Variants in TMEM132B observed in about 807,000 individuals in gnomAD.
The protein encoded by TMEM132B is transmembrane protein 132B.
In TMEM132B, 18 loss-of-function variants were observed where a neutral mutation model predicts 90.8. That is an observed-to-expected ratio of 0.20 (90% CI 0.14 to 0.29). TMEM132B has a LOEUF of 0.29. Ranked by LOEUF, TMEM132B falls within the 10% of genes least tolerant of loss-of-function variation. TMEM132B has a pLI of 1.00. For synonymous variants in TMEM132B, 504 were observed against 523.3 expected (o/e 0.96, Z 0.50); for missense variants, 1,096 against 1,326.8 (o/e 0.83, Z 2.70).
At chr12:125,543,316 AT>A (rs1309616810) in intron 4 of TMEM132B, among the ~76,000 whole-genome samples, 1 of 152,252 alleles carries the variant, frequency 6.6e-6, no homozygotes. Context: ...ACAATAAAAA[AT>A]AATACAACCA....
chr12:125,373,133 G>T (rs965798504), intron 2 of TMEM132B, among the ~76,000 whole-genome samples: 1 of 152,198 alleles, frequency 6.6e-6, no homozygotes, highest in Non-Finnish European at 1.5e-5. Context: ...CACATTACAA[G>T]GTCAGCTCCA....
Position 125,415,634 on chromosome 12 carries a change from G to T in TMEM132B, c.1063G>T (p.Ala355Ser). 1 of 1,614,170 alleles carries T rather than the reference G, an allele frequency of 6.2e-7. No homozygotes were observed. Among genetic ancestry groups the T allele is most frequent in the Non-Finnish European group, 8.5e-7 (1 of 1,180,044 alleles). The change falls in exon 3 of 9, where the codon GCC becomes TCC. Residue 355 changes from alanine (A) to serine (S), a missense_variant. Transcript: ENST00000682704. The surrounding 1 kb of genome is among the most constrained non-coding windows in gnomAD (Gnocchi z 5.3). ...EIDNGSTQTSATLTCMGHRPD... is the reference protein window; with the variant it reads ...EIDNGSTQTSSTLTCMGHRPD... Reference sequence around the variant, plus strand: ...TGATAATGGCAGCACTCAGACGTCGGCCACCCTCACCTGCATGGGCCATCG... The same window carrying T: ...TGATAATGGCAGCACTCAGACGTCGTCCACCCTCACCTGCATGGGCCATCG...
intron 1 of TMEM132B, among the ~76,000 whole-genome samples, chr12:125,240,393 T>G (rs1222190428): frequency 6.6e-6 from 1 of 152,142 alleles, no homozygotes; most frequent in East Asian, 1.9e-4. Context: ...GACAGGGCTG[T>G]TATTAGAGCT....
chr12:125,276,920 T>C (rs748902557), intron 1 of TMEM132B, among the ~76,000 whole-genome samples: 1 of 152,216 alleles, frequency 6.6e-6, no homozygotes, highest in Non-Finnish European at 1.5e-5. Context: ...AATTTGGGCA[T>C]AACTTTGGAT....
chr12:125,633,009 C>T (rs1353971344), intron 5 of TMEM132B, among the ~76,000 whole-genome samples: 7 of 152,048 alleles, frequency 4.6e-5, no homozygotes, highest in South Asian at 2.1e-4. Context: ...ACCTCCTCTT[C>T]GAAGCCAATA....
At chr12:125,443,584 A>G (rs1334660945) in intron 3 of TMEM132B, among the ~76,000 whole-genome samples, 2 of 152,292 alleles carry the variant, frequency 1.3e-5, no homozygotes, top group Non-Finnish European at 1.5e-5. Flanking sequence ...CTGGGTAACA[A>G]TCACTGCTGT....
intron 3 of TMEM132B, among the ~76,000 whole-genome samples, chr12:125,501,327 T>G (rs1882690448): frequency 6.6e-6 from 1 of 152,276 alleles, no homozygotes; most frequent in South Asian, 2.1e-4. Context: ...TTAAAAATTA[T>G]GTCGTTTACT....
chr12:125,316,112 G>T (rs1348239828), intron 1 of TMEM132B, among the ~76,000 whole-genome samples: 2 of 152,230 alleles, frequency 1.3e-5, no homozygotes, highest in Non-Finnish European at 2.9e-5. Context: ...CTCAAAGGAA[G>T]AGGGCTCATT....
chr12:125,495,360 T>A (rs1375025239), intron 3 of TMEM132B, among the ~76,000 whole-genome samples: 3 of 137,606 alleles, frequency 2.2e-5, no homozygotes, highest in Non-Finnish European at 3.1e-5. Flanking sequence ...CCCTCTTCCC[T>A]GGAAATGGCC....
At chr12:125,441,076 C>T (rs888925915) in intron 3 of TMEM132B, among the ~76,000 whole-genome samples, 1 of 152,166 alleles carries the variant, frequency 6.6e-6, no homozygotes, top group Admixed American at 6.5e-5. Context: ...TATTTAAAAT[C>T]CTTTGGCCTT....
intron 3 of TMEM132B, among the ~76,000 whole-genome samples, chr12:125,434,518 T>A (rs1195454024): frequency 7.1e-4 from 1 of 1,412 alleles, no homozygotes; most frequent in African/African-American, 2.5e-3. Context: ...GATTAGAGGG[T>A]GGGAGGGTGG....
At chr12:125,522,221 T>G (rs1401040496) in intron 4 of TMEM132B, among the ~76,000 whole-genome samples, 2 of 152,192 alleles carry the variant, frequency 1.3e-5, no homozygotes, top group Non-Finnish European at 2.9e-5. Context: ...GTCCTTGTCT[T>G]GTGCAGATCC....
rs187878415 is a variant in TMEM132B at position 125,299,812 on chromosome 12, C to T, written c.68-49640C>T. On this transcript the variant is annotated intron_variant, in intron 1 of 8. Coordinates refer to ENST00000682704, the MANE Select transcript of TMEM132B (RefSeq NM_001366854.1). ...ACCCTGGTCTAAGTGACCCCTCCCA[C>T]CCTGGTTCACTCTCCTGGACCGGCC... Among the ~76,000 whole-genome samples, 15 of 152,356 alleles carry T rather than the reference C, an allele frequency of 9.8e-5. No homozygotes were observed. In the East Asian group the frequency reaches 2.9e-3, roughly 29 times the overall value.
At chr12:125,538,025 C>T (rs564722112) in intron 4 of TMEM132B, among the ~76,000 whole-genome samples, 32 of 152,306 alleles carry the variant, frequency 2.1e-4, no homozygotes, top group Admixed American at 1.0e-3. Flanking sequence ...CATGCACGCT[C>T]GGCTCCTATT....
intron 3 of TMEM132B, among the ~76,000 whole-genome samples, chr12:125,495,492 TTTG>T (rs1029895030): frequency 6.6e-6 from 1 of 152,234 alleles, no homozygotes; most frequent in African/African-American, 2.4e-5. Context: ...ATAGCAGCTT[TTTG>T]TTGTTGCTCA....
At chr12:125,633,469 G>T (rs1886412438) in intron 5 of TMEM132B, among the ~76,000 whole-genome samples, 1 of 152,180 alleles carries the variant, frequency 6.6e-6, no homozygotes, top group African/African-American at 2.4e-5. Flanking sequence ...TTCATGGATT[G>T]CCTTGATACT....
rs529500132 is a variant in TMEM132B, at chr12:125,656,753, C to T, written c.*2043C>T. Reference sequence around the variant, plus strand: ...TAGCTCAGAGCCAACCATCCAGGACCGAAGAAAGCTCATGTGCTGATTGAC... The same window carrying T: ...TAGCTCAGAGCCAACCATCCAGGACTGAAGAAAGCTCATGTGCTGATTGAC... On this transcript the variant is annotated 3_prime_UTR_variant, in exon 9 of 9. Coordinates refer to ENST00000682704, the MANE Select transcript of TMEM132B (RefSeq NM_001366854.1). 16 of 149,356 alleles carry T rather than the reference C, an allele frequency of 1.1e-4. No homozygotes were observed. The East Asian group carries it at 2.5e-3, about 24-fold the overall frequency. 9.3% of individuals were successfully genotyped at this position (149,356 alleles called of 1,614,324 possible). A position where few individuals can be genotyped will look rare whatever the true frequency, so the allele number is the denominator to read the frequency against.
Position 125,490,756 on chromosome 12 carries a change from G to A in TMEM132B, c.1107-28683G>A, listed in dbSNP as rs980487741. Among the ~76,000 whole-genome samples the A allele has an allele frequency of 3.9e-5, 6 of 152,272 alleles. No individual in the cohort carries two copies. The highest frequency in any genetic ancestry group is 2.1e-4 in the South Asian group (1 of 4,826). On this transcript the variant is annotated intron_variant, in intron 3 of 8. Coordinates refer to ENST00000682704, the MANE Select transcript of TMEM132B (RefSeq NM_001366854.1). The surrounding 1 kb of genome is among the most constrained non-coding windows in gnomAD (Gnocchi z 4.2). ...GCTGGGATTACAGGTGTGAGCCACC[G>A]CGCCCGGCCAATTTCTTTCCTTTTG...
At chr12:125,189,472 C>T (rs1251908470) in intron 1 of TMEM132B, among the ~76,000 whole-genome samples, 1 of 152,140 alleles carries the variant, frequency 6.6e-6, no homozygotes, top group Non-Finnish European at 1.5e-5. Flanking sequence ...AGGCTCTCTT[C>T]CTCCTGCCTG....
Sources: allele counts gnomAD v4.1 joint callset (sites outside exome capture counted in the v4.1 genomes callset), GRCh38; gene constraint gnomAD v4.1.1; non-coding constraint Gnocchi (gnomAD v3.1); transcripts MANE v1.5; gene names NCBI Gene and HGNC (gene_info 2026-07-23, HGNC 2026-07-21).